The following NRXN3 variants were observed in gnomAD, a reference collection of about 807,000 sequenced individuals.
The protein encoded by NRXN3 is neurexin 3.
NRXN3 carries 32 observed loss-of-function variants against 137.6 expected under a neutral mutation model. The ratio of observed to expected loss-of-function variants is 0.23; its 90% CI spans 0.18 to 0.31. The LOEUF (loss-of-function observed/expected upper bound fraction) is 0.31, where lower values mean the gene tolerates loss of function less well. Ranked by LOEUF, NRXN3 falls within the 10% of genes least tolerant of loss-of-function variation. The pLI, the probability that NRXN3 is intolerant of heterozygous loss-of-function variation, is 1.00. For missense variants in NRXN3, 1,574 were observed against 2,062.5 expected (o/e 0.76, Z 4.59); for synonymous variants, 798 against 784.5 (o/e 1.02, Z -0.29).
At position 78,278,862 on chromosome 14, in the gene NRXN3, T is replaced by C. The variant is rs970600134; in HGVS notation, c.727+200T>C. On this transcript the variant is annotated intron_variant, in intron 3 of 20. Coordinates refer to ENST00000335750, the MANE Select transcript of NRXN3 (RefSeq NM_001330195.2). ...GAACCATTTTAAAGCCAAAGGAATATGGTTCTCATACTTAATATAATCACT... is the reference window on the plus strand; with the variant it reads ...GAACCATTTTAAAGCCAAAGGAATACGGTTCTCATACTTAATATAATCACT... Among the ~76,000 whole-genome samples the C allele has an allele frequency of 3.3e-5, 5 of 152,276 alleles. No individual in the cohort carries two copies. In the East Asian group the frequency reaches 7.7e-4, roughly 23 times the overall value.
intron 5 of NRXN3, 43 bp from the exon 6 acceptor site, chr14:78,651,122 G>A: frequency 6.3e-7 from 1 of 1,594,158 alleles, no homozygotes; most frequent in Non-Finnish European, 8.6e-7. Context: ...AGGATCGTAA[G>A]GTCATTGTTG....
chr14:78,905,385 C>T (rs1019063936), intron 10 of NRXN3, among the ~76,000 whole-genome samples: 3 of 152,052 alleles, frequency 2.0e-5, no homozygotes, highest in African/African-American at 4.8e-5. Flanking sequence ...ACTTTGTCAT[C>T]CCAACTGGAC....
At chr14:78,310,089 C>T (rs1321610734) in intron 4 of NRXN3, among the ~76,000 whole-genome samples, 1 of 152,034 alleles carries the variant, frequency 6.6e-6, no homozygotes, top group Non-Finnish European at 1.5e-5. Context: ...AACAATACTT[C>T]TGAGAATGGC....
chr14:79,774,044 A>G (rs577597605), intron 19 of NRXN3, among the ~76,000 whole-genome samples: 2 of 152,290 alleles, frequency 1.3e-5, no homozygotes, highest in African/African-American at 4.8e-5. Flanking sequence ...GAACCCTAGT[A>G]GACTGTTCGC....
intron 4 of NRXN3, among the ~76,000 whole-genome samples, chr14:78,362,965 A>G (rs2085356698): frequency 6.6e-6 from 1 of 152,156 alleles, no homozygotes; most frequent in Non-Finnish European, 1.5e-5. Flanking sequence ...GAAAAGTTAG[A>G]TTGGTTCTAA....
chr14:79,234,099 GACAA>G (rs5809931), intron 15 of NRXN3, among the ~76,000 whole-genome samples: 2,891 of 150,810 alleles, frequency 0.019, 99 homozygotes, highest in African/African-American at 0.067. Context: ...TTCCTCTCAA[GACAA>G]ACAAACAAAA....
At chr14:78,856,420 GTAAC>G in intron 10 of NRXN3, among the ~76,000 whole-genome samples, 1 of 152,088 alleles carries the variant, frequency 6.6e-6, no homozygotes, top group Non-Finnish European at 1.5e-5. Flanking sequence ...CATTTATAAA[GTAAC>G]TAATGTAAAT....
intron 1 of NRXN3, among the ~76,000 whole-genome samples, chr14:78,216,264 G>T (rs573656691): frequency 1.1e-4 from 16 of 152,160 alleles, no homozygotes; most frequent in Admixed American, 7.8e-4. Flanking sequence ...TTTGGTCCAG[G>T]TGTGAAATGA....
intron 4 of NRXN3, among the ~76,000 whole-genome samples, chr14:78,348,958 T>C (rs964668252): frequency 2.0e-5 from 3 of 152,166 alleles, no homozygotes; most frequent in Non-Finnish European, 2.9e-5. Flanking sequence ...GTGGTCACTG[T>C]GCAGAGGGCA....
At chr14:78,974,172 C>T (rs2153023495) in intron 14 of NRXN3, among the ~76,000 whole-genome samples, 1 of 152,212 alleles carries the variant, frequency 6.6e-6, no homozygotes, top group Non-Finnish European at 1.5e-5. Context: ...TTGTTTTAGA[C>T]ATTATGTTTA....
chr14:79,410,993 C>G (rs985052784), intron 15 of NRXN3, among the ~76,000 whole-genome samples: 1 of 152,042 alleles, frequency 6.6e-6, no homozygotes, highest in African/African-American at 2.4e-5. Context: ...AGTGCATTTA[C>G]TCAGGGCTAC....
intron 6 of NRXN3, among the ~76,000 whole-genome samples, chr14:78,658,176 G>A (rs1315439268): frequency 6.6e-6 from 1 of 152,136 alleles, no homozygotes; most frequent in African/African-American, 2.4e-5. Context: ...AAACCCAAGT[G>A]AGGCTTTTAG....
At chr14:78,689,876 TTCTC>T (rs2098155913) in intron 6 of NRXN3, among the ~76,000 whole-genome samples, 1 of 151,234 alleles carries the variant, frequency 6.6e-6, no homozygotes, top group South Asian at 2.1e-4. Context: ...TTCCTCCTCT[TTCTC>T]TCTGCCCTTC....
At chr14:78,503,574 G>A (rs765719435) in intron 4 of NRXN3, among the ~76,000 whole-genome samples, 3 of 152,164 alleles carry the variant, frequency 2.0e-5, no homozygotes, top group Non-Finnish European at 4.4e-5. Context: ...GGCAGTGGGA[G>A]AATTGTAAGC....
intron 15 of NRXN3, among the ~76,000 whole-genome samples, chr14:78,990,809 T>G (rs1381879075): frequency 6.6e-6 from 1 of 152,238 alleles, no homozygotes; most frequent in African/African-American, 2.4e-5. Context: ...CTGTTTCCAA[T>G]AATTGGTATT....
chr14:79,002,578 G>A lies in NRXN3; in HGVS notation c.3262+14437G>A, dbSNP rs138386228. On this transcript the variant is annotated intron_variant, in intron 15 of 20. Transcript: ENST00000335750. The stretch of plus-strand genomic sequence containing the variant: ...CCTTTTTATGGCTGCATAGTATTCC[G>A]TGGTGTATATGTATCACATTTTCTT... Among the ~76,000 whole-genome samples, 1,130 of 152,070 alleles carry A rather than the reference G, an allele frequency of 7.4e-3. 11 individuals carry two copies. Among genetic ancestry groups the A allele is most frequent in the African/African-American group, 0.026 (1,091 of 41,430 alleles).
chr14:78,244,490 C>CCAAG (rs1483946198), intron 2 of NRXN3, among the ~76,000 whole-genome samples: 1 of 151,958 alleles, frequency 6.6e-6, no homozygotes, highest in Non-Finnish European at 1.5e-5. Context: ...TCTCCTGAGC[C>CCAAG]CTTGAGGTTT....
chr14:78,278,535 A>G (rs760977609), intron 2 of NRXN3, 110 bp from the exon 3 acceptor site: 3 of 867,964 alleles, frequency 3.5e-6, no homozygotes, highest in Non-Finnish European at 5.6e-6. Flanking sequence ...CTTGATAGTC[A>G]TGCAAGAGCA....
At chr14:79,752,088 A>T (rs1425978232) in intron 19 of NRXN3, among the ~76,000 whole-genome samples, 2 of 152,284 alleles carry the variant, frequency 1.3e-5, no homozygotes, top group African/African-American at 2.4e-5. Flanking sequence ...TGGCCTCATA[A>T]AACGAGTTAG....
Sources: allele counts gnomAD v4.1 joint callset (sites outside exome capture counted in the v4.1 genomes callset), GRCh38; gene constraint gnomAD v4.1.1; transcripts MANE v1.5; gene names NCBI Gene and HGNC (gene_info 2026-07-23, HGNC 2026-07-21).